AFF3: variants seen among roughly 807,000 people sequenced by gnomAD.
AFF3 encodes AF4/FMR2 family member 3.
In AFF3, 32 loss-of-function variants were observed where a neutral mutation model predicts 129.7. That is an observed-to-expected ratio of 0.25 (90% CI 0.19 to 0.33). The LOEUF (loss-of-function observed/expected upper bound fraction) is 0.33. AFF3 is among the 10% of genes least tolerant of loss of function. The probability of loss-of-function intolerance (pLI) is 1.00; values close to 1 mark genes in which losing one functional copy is unlikely to be tolerated. For missense variants in AFF3, 1,373 were observed against 1,592.0 expected (o/e 0.86, Z 2.34); for synonymous variants, 644 against 635.4 (o/e 1.01, Z -0.20).
intron 10 of AFF3, among the ~76,000 whole-genome samples, chr2:99,743,052 T>C (rs1295372703): frequency 6.6e-6 from 1 of 152,172 alleles, no homozygotes; most frequent in Non-Finnish European, 1.5e-5. Flanking sequence ...TAACCAAGTG[T>C]TTCTTCTGAT....
chr2:99,810,387 T>C (rs1220885146), intron 8 of AFF3, among the ~76,000 whole-genome samples: 1 of 152,244 alleles, frequency 6.6e-6, no homozygotes, highest in Non-Finnish European at 1.5e-5. Context: ...ACACTTACTG[T>C]GTCAGGCAGT....
chr2:99,896,662 GTC>G (rs1693988121), intron 7 of AFF3, among the ~76,000 whole-genome samples: 1 of 96,770 alleles, frequency 1.0e-5, no homozygotes, highest in Non-Finnish European at 1.9e-5. Flanking sequence ...TGGAGACGGA[GTC>G]TCACTCTGTC....
intron 11 of AFF3, among the ~76,000 whole-genome samples, chr2:99,695,975 CAA>C (rs10719353): frequency 2.0e-4 from 23 of 114,070 alleles, no homozygotes; most frequent in East Asian, 1.3e-3. Context: ...AAGAAAAAAC[CAA>C]AAAAAAAAAA....
intron 4 of AFF3, among the ~76,000 whole-genome samples, chr2:100,050,204 G>GA: frequency 6.6e-6 from 1 of 151,948 alleles, no homozygotes; most frequent in South Asian, 2.1e-4. Flanking sequence ...TCTCGGGGGG[G>GA]AAAAAAAGGC....
intron 11 of AFF3, among the ~76,000 whole-genome samples, chr2:99,708,383 A>G (rs1677597709): frequency 6.6e-6 from 1 of 152,140 alleles, no homozygotes; most frequent in Admixed American, 6.5e-5. Flanking sequence ...TTGTACTAAA[A>G]GCTCCACAGA....
chr2:100,027,674 C>T lies in AFF3; in HGVS notation c.54-18742G>A, dbSNP rs182583198. The stretch of plus-strand genomic sequence containing the variant: ...TATCCTTTACTCCTATCTAGTTAAA[C>T]TTTGCTGTTTGATAAACAAGTTATT... On this transcript the variant is annotated intron_variant, in intron 4 of 24. Coordinates refer to ENST00000672756, the MANE Select transcript of AFF3 (RefSeq NM_001386135.1). Among the ~76,000 whole-genome samples the T allele has an allele frequency of 5.8e-3, 884 of 152,184 alleles. 8 individuals carry two copies. The highest frequency in any genetic ancestry group is 0.02 in the African/African-American group (851 of 41,520).
intron 4 of AFF3, among the ~76,000 whole-genome samples, chr2:100,037,462 A>G (rs949518470): frequency 8.7e-6 from 1 of 114,940 alleles, no homozygotes; most frequent in Non-Finnish European, 1.7e-5. Context: ...ATTTATATAT[A>G]AATATATATT....
intron 4 of AFF3, among the ~76,000 whole-genome samples, chr2:100,043,910 G>A (rs185903406): frequency 2.0e-4 from 31 of 152,256 alleles, no homozygotes; most frequent in Non-Finnish European, 4.4e-5. Flanking sequence ...TCCTCGTGGT[G>A]TTCATCCTCA....
At chr2:100,056,057 T>TCACACA (rs1491369012) in intron 4 of AFF3, among the ~76,000 whole-genome samples, 3 of 87,986 alleles carry the variant, frequency 3.4e-5, no homozygotes, top group Non-Finnish European at 6.7e-5. Context: ...AATCGCTGTC[T>TCACACA]CTCTCTCACA....
At chr2:100,048,549 T>C (rs1267880570) in intron 4 of AFF3, among the ~76,000 whole-genome samples, 1 of 152,236 alleles carries the variant, frequency 6.6e-6, no homozygotes, top group African/African-American at 2.4e-5. Context: ...TGAAGAGCAA[T>C]TTCTCAAATG....
At chr2:99,694,787 A>G (rs1575717177) in intron 11 of AFF3, among the ~76,000 whole-genome samples, 1 of 152,002 alleles carries the variant, frequency 6.6e-6, no homozygotes, top group Admixed American at 6.6e-5. Context: ...GCTCACTGAA[A>G]CCTCAGCCTC....
intron 7 of AFF3, among the ~76,000 whole-genome samples, chr2:99,928,109 T>C (rs1484793290): frequency 6.6e-6 from 1 of 152,210 alleles, no homozygotes; most frequent in Non-Finnish European, 1.5e-5. Flanking sequence ...CACGTGGAAC[T>C]GTAAGTCCAA....
intron 10 of AFF3, among the ~76,000 whole-genome samples, chr2:99,731,879 A>G (rs1236497972): frequency 6.6e-6 from 1 of 152,206 alleles, no homozygotes; most frequent in African/African-American, 2.4e-5. Flanking sequence ...TCCCTAAAAT[A>G]CTGTTAAATA....
chr2:99,798,345 T>C (rs1685694606), intron 8 of AFF3, among the ~76,000 whole-genome samples: 1 of 151,990 alleles, frequency 6.6e-6, no homozygotes, highest in Admixed American at 6.6e-5. Context: ...CAATAATTAT[T>C]CAATTACATT....
intron 4 of AFF3, among the ~76,000 whole-genome samples, chr2:100,015,256 T>G (rs1442274905): frequency 6.6e-6 from 1 of 151,924 alleles, no homozygotes; most frequent in Non-Finnish European, 1.5e-5. Context: ...GCATGAAGAG[T>G]GGATGCAGAG....
chr2:99,647,012 G>C (rs1056994647), intron 13 of AFF3, among the ~76,000 whole-genome samples: 1 of 152,202 alleles, frequency 6.6e-6, no homozygotes, highest in African/African-American at 2.4e-5. Context: ...AGATGCTGGA[G>C]AGCCTGTGGA....
chr2:100,119,503 T>C (rs1691865827), intron 2 of AFF3, among the ~76,000 whole-genome samples: 1 of 152,180 alleles, frequency 6.6e-6, no homozygotes, highest in South Asian at 2.1e-4. Flanking sequence ...GAAAAGTCAA[T>C]ACAAGCAGCA....
At chr2:99,703,779 T>C (rs1677101965) in intron 11 of AFF3, among the ~76,000 whole-genome samples, 2 of 152,314 alleles carry the variant, frequency 1.3e-5, no homozygotes, top group South Asian at 4.1e-4. Flanking sequence ...CACTACATCC[T>C]CACACATCTG....
In AFF3 at chr2:99,680,470, T is replaced by TA. The variant is rs539782724; in HGVS notation, c.1092-7882dup. On this transcript the variant is annotated intron_variant, in intron 11 of 24. Transcript: ENST00000672756. ...GGTCAGAGGATTCTGACTGGGAACA[T>TA]AAAGTTTCTGTGGCTGTACAGATTT... 4.6e-3 allele frequency among the ~76,000 whole-genome samples: 706 copies of TA among 152,306 alleles called. 4 individuals carry two copies. Among genetic ancestry groups the TA allele is most frequent in the African/African-American group, 0.016 (659 of 41,564 alleles).
Sources: allele counts gnomAD v4.1 joint callset (sites outside exome capture counted in the v4.1 genomes callset), GRCh38; gene constraint gnomAD v4.1.1; transcripts MANE v1.5; gene names NCBI Gene and HGNC (gene_info 2026-07-23, HGNC 2026-07-21).